Variants in C19orf38 observed in about 807,000 individuals in gnomAD.
C19orf38 encodes chromosome 19 open reading frame 38.
In C19orf38, 14 loss-of-function variants were observed where a neutral mutation model predicts 26.6. The ratio of observed to expected loss-of-function variants is 0.53; its 90% confidence interval spans 0.35 to 0.82. The LOEUF (loss-of-function observed/expected upper bound fraction) is 0.82, where lower values mean the gene tolerates loss of function less well. Among genes scored for constraint, C19orf38 ranks in the 40% least tolerant of loss-of-function variants. C19orf38 has a pLI of 0.01. For missense variants in C19orf38, 261 were observed against 299.5 expected (o/e 0.87, Z 0.95); for synonymous variants, 132 against 128.5 (o/e 1.03, Z -0.18).
At chr19:10,837,470 CTTTTT>C (rs376072634) in intron 1 of C19orf38, among the ~76,000 whole-genome samples, 177 of 63,204 alleles carry the variant, frequency 2.8e-3, no homozygotes, top group Non-Finnish European at 4.8e-3. Context: ...GACTCCTTTT[CTTTTT>C]TTTCTTTTTT....
intron 1 of C19orf38, among the ~76,000 whole-genome samples, chr19:10,850,017 C>T (rs2073553184): frequency 6.6e-6 from 1 of 152,132 alleles, no homozygotes; most frequent in South Asian, 2.1e-4. Flanking sequence ...CGAGATCACA[C>T]CACTACATTC....
upstream of C19orf38, among the ~76,000 whole-genome samples, chr19:10,845,860 C>T (rs2073512010): frequency 1.5e-5 from 2 of 130,728 alleles, no homozygotes; most frequent in Non-Finnish European, 1.6e-5. Flanking sequence ...GCCTGGGCGA[C>T]AGAGCAAGAC....
chr19:10,853,452 A>G (rs2073592969), intron 2 of C19orf38, among the ~76,000 whole-genome samples: 1 of 149,382 alleles, frequency 6.7e-6, no homozygotes, highest in Non-Finnish European at 1.5e-5. Context: ...ATGCCCAGCT[A>G]CTTTTTGAGT....
chr19:10,869,352 C>A lies in C19orf38; in HGVS notation c.678C>A (p.Phe226Leu). 6.4e-7 allele frequency: 1 copy of A among 1,550,414 alleles called. No individual in the cohort carries two copies. The highest frequency in any genetic ancestry group is 8.7e-7 in the Non-Finnish European group (1 of 1,146,556). ...SSPETPEFST[F>L]RACQ ...CTGAGACCCCCGAATTCAGCACTTT[C>A]CGGGCCTGCCAGTGAGGCTGAGGAC... The change falls in exon 7 of 7, where the codon TTC becomes TTA. Residue 226 changes from phenylalanine to leucine, a missense_variant. Coordinates refer to ENST00000397820, the MANE Select transcript of C19orf38 (RefSeq NM_001136482.3).
At chr19:10,859,816 C>A in intron 4 of C19orf38, 99 bp from the exon 5 acceptor site, 1 of 1,098,408 alleles carries the variant, frequency 9.1e-7, no homozygotes, top group Non-Finnish European at 1.4e-6. Context: ...GCAAAGGCTA[C>A]ATTTTGGGTG....
intron 5 of C19orf38, among the ~76,000 whole-genome samples, chr19:10,860,840 CAA>C (rs60601259): frequency 3.3e-4 from 14 of 42,628 alleles, no homozygotes; most frequent in Admixed American, 1.5e-3. Flanking sequence ...GACTCCATCT[CAA>C]AAAAAAAAAA....
intron 2 of C19orf38, among the ~76,000 whole-genome samples, 198 bp from the exon 3 acceptor site, chr19:10,856,067 C>T (rs1029093149): frequency 6.6e-6 from 1 of 152,210 alleles, no homozygotes; most frequent in African/African-American, 2.4e-5. Flanking sequence ...ACTTGGGTTA[C>T]ATGCTCATCC....
chr19:10,840,160 G>A (rs2073468644), intron 1 of C19orf38, among the ~76,000 whole-genome samples: 1 of 150,896 alleles, frequency 6.6e-6, no homozygotes, highest in African/African-American at 2.4e-5. Flanking sequence ...TATAGATCTC[G>A]TGGTGGAATT....
At chr19:10,840,349 G>A (rs2073469909) in intron 1 of C19orf38, among the ~76,000 whole-genome samples, 1 of 152,060 alleles carries the variant, frequency 6.6e-6, no homozygotes, top group Non-Finnish European at 1.5e-5. Flanking sequence ...TTTTGAGACA[G>A]TCTCACTCCT....
At position 10,856,373 on chromosome 19, in the gene C19orf38, G is replaced by A; in HGVS notation, c.433+16G>A. On this transcript the variant is annotated intron_variant, in intron 3 of 6. Transcript: ENST00000397820. ...GTCAGAAAAGGTAACAGCACGCAAA[G>A]CCTGGCACACAAGTTGCCAGTTGAC... 7.8e-6 allele frequency: 12 copies of A among 1,546,190 alleles called. No homozygotes were observed. Among genetic ancestry groups the A allele is most frequent in the Non-Finnish European group, 1.1e-5 (12 of 1,142,176 alleles).
chr19:10,850,334 T>C lies in C19orf38; in HGVS notation c.107T>C (p.Ile36Thr), dbSNP rs1325677975. 1.3e-6 allele frequency: 2 copies of C among 1,551,254 alleles called. No individual in the cohort carries two copies. The highest frequency in any genetic ancestry group is 1.7e-6 in the Non-Finnish European group (2 of 1,146,892). The change falls in exon 2 of 7, where the codon ATC becomes ACC. Residue 36 changes from isoleucine (I) to threonine (T), a missense_variant. Ile to Thr is a moderately conservative substitution (Grantham distance 89). Transcript: ENST00000397820. ...AGCAGCCAAGAGGACCCCATCCACATCGCATGCATGGCCCCTGGGAACTTC... is the reference window on the plus strand; with the variant it reads ...AGCAGCCAAGAGGACCCCATCCACACCGCATGCATGGCCCCTGGGAACTTC... Reference protein sequence around the residue: ...YPSSQEDPIHIACMAPGNFPG... With the variant: ...YPSSQEDPIHTACMAPGNFPG...
intron 1 of C19orf38, among the ~76,000 whole-genome samples, chr19:10,840,356 T>A (rs1486122715): frequency 6.6e-6 from 1 of 152,158 alleles, no homozygotes; most frequent in African/African-American, 2.4e-5. Flanking sequence ...ACAGTCTCAC[T>A]CCTTCACTTT....
rs1423304277 is a variant in C19orf38, at chr19:10,838,379, C to T, written c.-69+1609C>T. Among the ~76,000 whole-genome samples, 3 of 152,148 alleles carry T rather than the reference C, an allele frequency of 2.0e-5. No individual in the cohort carries two copies. The East Asian group carries it at 5.8e-4, about 29-fold the overall frequency. ...GAGCCCAGATGATGCCACTGCACTC[C>T]AGCCTGGGCGACAGAGCAGGACTCC... On this transcript the variant is annotated intron_variant, in intron 1 of 7. Transcript: ENST00000592854.
At chr19:10,845,675 C>T (rs557943945), upstream of C19orf38, among the ~76,000 whole-genome samples, 28 of 150,938 alleles carry the variant, frequency 1.9e-4, no homozygotes, top group African/African-American at 6.8e-4. Flanking sequence ...GTCAGGAGAT[C>T]GAGACCATCC....
upstream of C19orf38, among the ~76,000 whole-genome samples, chr19:10,846,523 A>AT (rs1461937575): frequency 1.3e-5 from 2 of 152,182 alleles, no homozygotes; most frequent in Non-Finnish European, 1.5e-5. Context: ...AAAAGAAAAG[A>AT]ATAAAGTCAA....
chr19:10,849,966 G>A (rs1258235808), intron 1 of C19orf38, among the ~76,000 whole-genome samples: 2 of 152,024 alleles, frequency 1.3e-5, no homozygotes, highest in East Asian at 1.9e-4. Context: ...TTGGGAGGCT[G>A]GAGAATCACT....
At position 10,864,058 on chromosome 19, in the gene C19orf38, G is replaced by T. The variant is rs530490419; in HGVS notation, c.543+851G>T. 1.6e-3 allele frequency among the ~76,000 whole-genome samples: 240 copies of T among 152,252 alleles called. 3 individuals carry two copies. The highest frequency in any genetic ancestry group is 5.6e-3 in the African/African-American group (233 of 41,552). ...GGGAACAATATCCCCCAAAAGCAGA[G>T]GGAGGGATTTGTTTTTTTTCAAGAC... is the stretch of plus-strand genomic sequence containing the variant. On this transcript the variant is annotated intron_variant, in intron 6 of 6. Coordinates refer to ENST00000397820, the MANE Select transcript of C19orf38 (RefSeq NM_001136482.3).
intron 3 of C19orf38, among the ~76,000 whole-genome samples, chr19:10,856,685 G>A (rs1305822955): frequency 1.3e-5 from 2 of 151,118 alleles, no homozygotes; most frequent in Non-Finnish European, 2.9e-5. Context: ...TGTATTTTTA[G>A]AAGAGATGTG....
At chr19:10,861,246 G>A (rs1023929490) in intron 5 of C19orf38, among the ~76,000 whole-genome samples, 1 of 152,190 alleles carries the variant, frequency 6.6e-6, no homozygotes, top group African/African-American at 2.4e-5. Context: ...ATGGGGAAAG[G>A]ACCATGTCTA....
Sources: gnomAD v4.1 joint callset for allele counts (sites outside exome capture counted in the v4.1 genomes callset) on GRCh38, gnomAD v4.1.1 for gene constraint, MANE v1.5 for transcripts, NCBI Gene and HGNC (gene_info 2026-07-23, HGNC 2026-07-21) for gene names.